SMYD3: variants seen among roughly 807,000 people sequenced by gnomAD.
SMYD3 encodes the protein histone-lysine N-methyltransferase SMYD3.
In SMYD3, 36 loss-of-function variants were observed where a neutral mutation model predicts 57.7. That is an observed-to-expected ratio of 0.62 (90% confidence interval 0.48 to 0.82). The LOEUF (loss-of-function observed/expected upper bound fraction) is 0.82. Among genes scored for constraint, SMYD3 ranks in the 40% least tolerant of loss-of-function variants. SMYD3 has a pLI of 0.00. For synonymous variants in SMYD3, 211 were observed against 195.0 expected (o/e 1.08, Z -0.68); for missense variants, 515 against 538.8 (o/e 0.96, Z 0.44).
intron 5 of SMYD3, chr1:245,955,876 GTTTTT>G: frequency 2.7e-6 from 2 of 735,180 alleles, no homozygotes; most frequent in Non-Finnish European, 3.3e-6. Flanking sequence ...TTTGTTTTGG[GTTTTT>G]TTTTTTTTTG....
intron 5 of SMYD3, among the ~76,000 whole-genome samples, chr1:245,959,679 G>A (rs1278269785): frequency 6.6e-6 from 1 of 152,182 alleles, no homozygotes; most frequent in Non-Finnish European, 1.5e-5. Flanking sequence ...TACCAGTGCT[G>A]TCTTCCCTGT....
chr1:245,854,389 A>T (rs2051126810), intron 10 of SMYD3, among the ~76,000 whole-genome samples: 1 of 152,218 alleles, frequency 6.6e-6, no homozygotes, highest in South Asian at 2.1e-4. Context: ...CTATGGATTC[A>T]ATTAATCATG....
At chr1:245,955,880 T>G (rs529331884) in intron 5 of SMYD3, 4 of 882,728 alleles carry the variant, frequency 4.5e-6, no homozygotes, top group Non-Finnish European at 5.3e-6. Flanking sequence ...TTTTGGGTTT[T>G]TTTTTTTTTT....
intron 10 of SMYD3, among the ~76,000 whole-genome samples, chr1:245,770,739 TA>T (rs1389307420): frequency 6.6e-6 from 1 of 152,178 alleles, no homozygotes; most frequent in Non-Finnish European, 1.5e-5. Context: ...AAATAGCTCA[TA>T]AATATGTTTG....
chr1:246,410,161 T>C (rs1327733731), intron 1 of SMYD3, among the ~76,000 whole-genome samples: 1 of 152,190 alleles, frequency 6.6e-6, no homozygotes, highest in African/African-American at 2.4e-5. Flanking sequence ...ATGCCCTTTA[T>C]TCCCTTCTCC....
At chr1:245,913,846 T>G (rs1322841243) in intron 8 of SMYD3, among the ~76,000 whole-genome samples, 4 of 151,898 alleles carry the variant, frequency 2.6e-5, no homozygotes, top group African/African-American at 9.7e-5. Context: ...CTAACACATA[T>G]AGAAAAGGCC....
chr1:245,918,227 T>A (rs765638391), intron 7 of SMYD3, among the ~76,000 whole-genome samples: 12 of 152,146 alleles, frequency 7.9e-5, no homozygotes, highest in Non-Finnish European at 1.6e-4. Flanking sequence ...CGTTACTGAG[T>A]ATCTACTGTT....
intron 10 of SMYD3, among the ~76,000 whole-genome samples, chr1:245,828,500 G>A (rs976384638): frequency 1.3e-5 from 2 of 151,932 alleles, no homozygotes; most frequent in Admixed American, 1.3e-4. Flanking sequence ...TTTGATGATA[G>A]GTCATTATGT....
intron 1 of SMYD3, among the ~76,000 whole-genome samples, chr1:246,377,900 GT>G (rs1341031232): frequency 6.6e-6 from 1 of 152,180 alleles, no homozygotes; most frequent in Non-Finnish European, 1.5e-5. Context: ...TATAATGAGA[GT>G]TCCCCTAAAT....
chr1:246,290,988 C>T (rs957576900), intron 5 of SMYD3, among the ~76,000 whole-genome samples: 1 of 151,910 alleles, frequency 6.6e-6, no homozygotes, highest in African/African-American at 2.4e-5. Flanking sequence ...AAAAACAAGA[C>T]TATTTGTTAC....
intron 10 of SMYD3, among the ~76,000 whole-genome samples, chr1:245,832,770 A>T (rs568166187): frequency 6.6e-6 from 1 of 152,264 alleles, no homozygotes; most frequent in East Asian, 1.9e-4. Flanking sequence ...TAAACAACAT[A>T]ATGTTGAATC....
At chr1:246,088,129 C>T (rs1339761026) in intron 5 of SMYD3, among the ~76,000 whole-genome samples, 1 of 152,040 alleles carries the variant, frequency 6.6e-6, no homozygotes. Flanking sequence ...ACAGCGAGCG[C>T]CATGCACTTA....
At chr1:246,199,823 C>T (rs10924544) in intron 5 of SMYD3, among the ~76,000 whole-genome samples, 9,650 of 134,018 alleles carry the variant, frequency 0.072, 855 homozygotes, top group African/African-American at 0.22. Flanking sequence ...GCCACTGTAA[C>T]AGAGAAGATG....
At chr1:246,459,704 T>A (rs780232643) in intron 1 of SMYD3, among the ~76,000 whole-genome samples, 2 of 152,190 alleles carry the variant, frequency 1.3e-5, no homozygotes, top group Non-Finnish European at 2.9e-5. Flanking sequence ...AACAGACTAA[T>A]ACAGGTATCT....
At chr1:245,889,505 G>C (rs1312720863) in intron 8 of SMYD3, among the ~76,000 whole-genome samples, 1 of 152,188 alleles carries the variant, frequency 6.6e-6, no homozygotes, top group East Asian at 1.9e-4. Context: ...TTCAGACTTA[G>C]GGTCAAAGTG....
At chr1:245,756,306 C>A (rs999773859) in intron 11 of SMYD3, among the ~76,000 whole-genome samples, 8 of 151,678 alleles carry the variant, frequency 5.3e-5, no homozygotes, top group Admixed American at 6.6e-5. Flanking sequence ...ATTTGTAATA[C>A]AATTGCCCTA....
chr1:246,059,342 A>C (rs1227709160), intron 5 of SMYD3, among the ~76,000 whole-genome samples: 1 of 136,332 alleles, frequency 7.3e-6, no homozygotes, highest in African/African-American at 2.9e-5. Flanking sequence ...TACCTAGAGA[A>C]AAAAAAAAAT....
chr1:245,846,358 C>A (rs997450607), intron 10 of SMYD3, among the ~76,000 whole-genome samples: 1 of 152,158 alleles, frequency 6.6e-6, no homozygotes, highest in Non-Finnish European at 1.5e-5. Flanking sequence ...ATTTCTGTTA[C>A]TTGTATTAAA....
chr1:246,343,697 A>C (rs2065665645), intron 2 of SMYD3, among the ~76,000 whole-genome samples: 1 of 152,212 alleles, frequency 6.6e-6, no homozygotes, highest in Non-Finnish European at 1.5e-5. Context: ...ATGGAAGGTT[A>C]ATGTACAGAA....
Sources: gnomAD v4.1 joint callset for allele counts (sites outside exome capture counted in the v4.1 genomes callset) on GRCh38, gnomAD v4.1.1 for gene constraint, MANE v1.5 for transcripts, NCBI Gene and HGNC (gene_info 2026-07-23, HGNC 2026-07-21) for gene names.